PTH2R: variants seen among roughly 807,000 people sequenced by gnomAD.
PTH2R encodes parathyroid hormone 2 receptor, also known as PTH2 receptor.
PTH2R carries 59 observed loss-of-function variants against 60.3 expected under a neutral mutation model. The observed-to-expected ratio is 0.98, with a 90% CI of 0.79 to 1.22. The LOEUF is 1.22. Ranked by LOEUF, PTH2R falls within the 50% of genes most tolerant of loss-of-function variation. The pLI is 0.00. For synonymous variants in PTH2R, 256 were observed against 243.8 expected, an observed-to-expected ratio of 1.05 and a Z score of -0.47; for missense variants, 749 against 682.6, an observed-to-expected ratio of 1.10 and a Z score of -1.08.
chr2:208,428,100 C>A, intron 1 of PTH2R, 101 bp from the exon 2 acceptor site: 2 of 831,350 alleles, frequency 2.4e-6, no homozygotes, highest in Admixed American at 2.6e-5. Context: ...AGCTTGATAT[C>A]AAACTCATTT....
chr2:208,415,267 A>G (rs2105840215), intron 1 of PTH2R, among the ~76,000 whole-genome samples: 1 of 152,330 alleles, frequency 6.6e-6, no homozygotes, highest in East Asian at 1.9e-4. Context: ...AAACTATTCT[A>G]AGATTTAAAA....
intron 9 of PTH2R, among the ~76,000 whole-genome samples, chr2:208,477,573 A>G (rs1430523212): frequency 1.3e-5 from 2 of 151,930 alleles, no homozygotes; most frequent in Non-Finnish European, 2.9e-5. Flanking sequence ...GCATGTAACA[A>G]AAAAAAACCC....
intron 1 of PTH2R, among the ~76,000 whole-genome samples, chr2:208,370,851 C>T (rs185315392): frequency 1.3e-5 from 2 of 152,122 alleles, no homozygotes; most frequent in Admixed American, 6.5e-5. Flanking sequence ...TTAATTGGCT[C>T]ACAGTTCTGC....
chr2:208,490,768 A>G, intron 12 of PTH2R, 88 bp downstream of exon 12: 2 of 1,291,682 alleles, frequency 1.5e-6, no homozygotes, highest in East Asian at 5.0e-5. Flanking sequence ...AATTTCCAGG[A>G]TTTCCAGGAT....
Position 208,443,407 on chromosome 2 carries a change from G to C in PTH2R, c.569G>C (p.Arg190Thr). ...CACTTATTTGTGTCTTTCATGCTGAGAGCTACAAGCATCTTTGTCAAAGAC... is the reference window on the plus strand; with the variant it reads ...CACTTATTTGTGTCTTTCATGCTGACAGCTACAAGCATCTTTGTCAAAGAC... ...HMHLFVSFML[R>T]ATSIFVKDRV... is the part of the protein sequence containing the mutation. Residue 190 changes from arginine to threonine, a missense_variant, in exon 6 of 13, where the codon AGA (arginine) becomes ACA (threonine). Physicochemically the swap from Arg to Thr is moderately conservative, Grantham distance 71. Coordinates refer to ENST00000272847, the MANE Select transcript of PTH2R (RefSeq NM_005048.4). 6.2e-7 allele frequency: 1 copy of C among 1,612,820 alleles called. No individual in the cohort carries two copies. The highest frequency in any genetic ancestry group is 8.5e-7 in the Non-Finnish European group (1 of 1,179,448).
chr2:208,482,806 C>G (rs552795975), intron 10 of PTH2R, among the ~76,000 whole-genome samples: 1 of 152,100 alleles, frequency 6.6e-6, no homozygotes, highest in Non-Finnish European at 1.5e-5. Flanking sequence ...ACAGGCACCC[C>G]CCATGCGTCC....
chr2:208,407,988 C>A (rs1021706029), intron 1 of PTH2R, among the ~76,000 whole-genome samples: 3 of 152,194 alleles, frequency 2.0e-5, no homozygotes, highest in African/African-American at 7.2e-5. Context: ...ACTGTCTAAA[C>A]TTAATACTAT....
intron 1 of PTH2R, among the ~76,000 whole-genome samples, chr2:208,374,922 C>T (rs760134130): frequency 1.2e-4 from 18 of 152,066 alleles, no homozygotes; most frequent in South Asian, 2.1e-4. Context: ...AGATGAAAGA[C>T]GCCACTCCTA....
intron 1 of PTH2R, among the ~76,000 whole-genome samples, chr2:208,374,786 G>A (rs1043054389): frequency 5.9e-5 from 9 of 152,038 alleles, no homozygotes; most frequent in African/African-American, 1.5e-4. Flanking sequence ...GATTACAAGC[G>A]TGAGCCACCA....
At chr2:208,467,579 C>T (rs1702781742) in intron 9 of PTH2R, among the ~76,000 whole-genome samples, 1 of 152,140 alleles carries the variant, frequency 6.6e-6, no homozygotes, top group African/African-American at 2.4e-5. Flanking sequence ...ATGATTCATC[C>T]TAACTTTACC....
chr2:208,419,729 CT>C (rs1195922607), intron 1 of PTH2R, among the ~76,000 whole-genome samples: 9 of 152,162 alleles, frequency 5.9e-5, no homozygotes, highest in African/African-American at 2.2e-4. Context: ...TCCAGTTCAG[CT>C]TTCTACATAT....
intron 5 of PTH2R, among the ~76,000 whole-genome samples, chr2:208,442,697 G>A (rs543917866): frequency 1.3e-5 from 2 of 152,294 alleles, no homozygotes; most frequent in East Asian, 1.9e-4. Flanking sequence ...AGTATGTACT[G>A]AAGTATATTT....
chr2:208,411,868 C>T (rs1225484755), intron 1 of PTH2R, among the ~76,000 whole-genome samples: 1 of 152,208 alleles, frequency 6.6e-6, no homozygotes, highest in East Asian at 1.9e-4. Flanking sequence ...TTGAATTAAA[C>T]ATATACAAAC....
At chr2:208,479,377 C>G (rs1302194475) in intron 9 of PTH2R, among the ~76,000 whole-genome samples, 1 of 152,164 alleles carries the variant, frequency 6.6e-6, no homozygotes, top group Non-Finnish European at 1.5e-5. Flanking sequence ...AAATGGCAAT[C>G]CAGCTGGTAT....
At chr2:208,416,476 C>A (rs1701643325) in intron 1 of PTH2R, among the ~76,000 whole-genome samples, 1 of 152,190 alleles carries the variant, frequency 6.6e-6, no homozygotes, top group African/African-American at 2.4e-5. Flanking sequence ...CTTTGACTTG[C>A]CCTACTATGG....
intron 1 of PTH2R, among the ~76,000 whole-genome samples, chr2:208,384,483 A>G (rs975370393): frequency 6.6e-6 from 1 of 152,188 alleles, no homozygotes; most frequent in Non-Finnish European, 1.5e-5. Context: ...GGTAAACCCC[A>G]AACACCTTAC....
chr2:208,466,097 A>T (rs1702745808), intron 9 of PTH2R: 4 of 152,200 alleles, frequency 2.6e-5, no homozygotes, highest in African/African-American at 7.2e-5. Flanking sequence ...TTTTTCACTC[A>T]CAGTCATTTA....
intron 2 of PTH2R, among the ~76,000 whole-genome samples, chr2:208,433,462 C>A (rs1234960469): frequency 1.3e-5 from 2 of 152,148 alleles, no homozygotes; most frequent in African/African-American, 4.8e-5. Flanking sequence ...AGATGCATAT[C>A]AAAATATTTA....
chr2:208,401,870 G>A (rs191145735), upstream of PTH2R, among the ~76,000 whole-genome samples: 48 of 152,254 alleles, frequency 3.2e-4, no homozygotes, highest in Middle Eastern at 6.8e-3. Flanking sequence ...CCTAAGAGAC[G>A]CTAGCCACAG....
Sources: gnomAD v4.1 joint callset for allele counts (sites outside exome capture counted in the v4.1 genomes callset) on GRCh38, gnomAD v4.1.1 for gene constraint, MANE v1.5 for transcripts, NCBI Gene and HGNC (gene_info 2026-07-23, HGNC 2026-07-21) for gene names.